The following MSLN variants were observed in gnomAD, a reference collection of about 807,000 sequenced individuals.
The protein encoded by MSLN is CAK1 antigen.
MSLN carries 82 observed loss-of-function variants against 72.6 expected under a neutral mutation model. The observed-to-expected ratio is 1.13, with a 90% CI of 0.94 to 1.36. The LOEUF (loss-of-function observed/expected upper bound fraction) is 1.36, where lower values mean the gene tolerates loss of function less well. MSLN is among the 40% of genes most tolerant of loss of function. The probability of loss-of-function intolerance (pLI) is 0.00; values close to 1 mark genes in which losing one functional copy is unlikely to be tolerated. For synonymous variants in MSLN, 456 were observed against 387.3 expected (o/e 1.18, Z -2.08); for missense variants, 1,005 against 847.9 (o/e 1.19, Z -2.30).
Position 767,508 on chromosome 16 carries a change from C to CGTGTGGAGGAGGGG in MSLN, c.1596+38_1596+39insGTGTGGAGGAGGGG, listed in dbSNP as rs1567359717. On this transcript the variant is annotated intron_variant, in intron 16 of 17. Transcript: ENST00000545450. Reference sequence around the variant, plus strand: ...GGAGGAGGGGCGTGTGGAGGAGGGGCCCGTGGAGGAGGGGCGAGTGGGAGG... The same window carrying CGTGTGGAGGAGGGG: ...GGAGGAGGGGCGTGTGGAGGAGGGGCGTGTGGAGGAGGGGCCGTGGAGGAGGGGCGAGTGGGAGG... 4 of 1,391,176 alleles carry CGTGTGGAGGAGGGG rather than the reference C, an allele frequency of 2.9e-6. No homozygotes were observed. In the Admixed American group the frequency reaches 8.5e-5, roughly 29 times the overall value. 86.2% of individuals were successfully genotyped at this position (1,391,176 alleles called of 1,614,324 possible). A position where few individuals can be genotyped will look rare whatever the true frequency, so the allele number is the denominator to read the frequency against.
chr16:765,779 G>A lies in MSLN; in HGVS notation c.884G>A (p.Arg295Gln), dbSNP rs753029287. The A allele has an allele frequency of 1.4e-5, 23 of 1,598,920 alleles. No homozygotes were observed. The highest frequency in any genetic ancestry group is 2.2e-5 in the East Asian group (1 of 44,870). The change falls in exon 11 of 18, where the codon CGG becomes CAG. Residue 295 changes from arginine (R) to glutamine (Q), a missense_variant. Arg to Gln is a conservative substitution (Grantham distance 43). Transcript: ENST00000545450. ...ERTILRPRFR[R>Q]EVEKTACPSG... ...ACCATCCTCCGGCCGCGGTTCCGGCGGGAAGTGGAGAGTGAGTGCCGTGCC... is the reference window on the plus strand; with the variant it reads ...ACCATCCTCCGGCCGCGGTTCCGGCAGGAAGTGGAGAGTGAGTGCCGTGCC...
chr16:764,985 G>C lies in MSLN; in HGVS notation c.459G>C (p.Pro153=). The C allele has an allele frequency of 6.2e-7, 1 of 1,612,322 alleles. No homozygotes were observed. Among genetic ancestry groups the C allele is most frequent in the Non-Finnish European group, 8.5e-7 (1 of 1,179,716 alleles). ...RITKANVDLL[P]RGAPERQRLL... ...CGAAGGCCAATGTGGACCTGCTCCC[G>C]AGGGGGGCTCCCGAGCGACAGCGGC... Residue 153 remains proline, a synonymous_variant, in exon 8 of 18, where the codon CCG becomes CCC. Coordinates refer to ENST00000545450, the MANE Select transcript of MSLN (RefSeq NM_005823.6).
In MSLN at chr16:763,180, G is replaced by T. The variant is rs1000606789; in HGVS notation, c.86-53G>T. 5 of 1,275,508 alleles carry T rather than the reference G, an allele frequency of 3.9e-6. No individual in the cohort carries two copies. In the Admixed American group the frequency reaches 1.1e-4, roughly 28 times the overall value. The allele number at this position is 1,275,508 out of a possible 1,614,324, so 79.0% of individuals were successfully genotyped here. The stretch of plus-strand genomic sequence containing the variant: ...TGCCTCCTTCCTCCCCTGGGTCAGG[G>T]CACAGCCCAGAGGCCCGCCCCCTCC... On this transcript the variant is annotated intron_variant, in intron 3 of 17. Coordinates refer to ENST00000545450, the MANE Select transcript of MSLN (RefSeq NM_005823.6).
intron 16 of MSLN, among the ~76,000 whole-genome samples, 182 bp from the exon 17 acceptor site, chr16:768,197 G>A (rs2041665706): frequency 6.6e-6 from 1 of 151,662 alleles, no homozygotes; most frequent in Non-Finnish European, 1.5e-5. Flanking sequence ...CTTCCCGTGT[G>A]GTGGGGCCTA....
intron 15 of MSLN, 116 bp downstream of exon 15, chr16:767,128 G>A: frequency 2.0e-6 from 3 of 1,512,892 alleles, no homozygotes; most frequent in Non-Finnish European, 2.7e-6. Context: ...TAACTGGGTG[G>A]TCACCCGCCC....
chr16:767,086 C>G, intron 15 of MSLN, 74 bp downstream of exon 15: 1 of 1,598,644 alleles, frequency 6.3e-7, no homozygotes, highest in South Asian at 1.1e-5. Flanking sequence ...GGGTGCCAGG[C>G]CTTTGCCTCG....
Position 767,009 on chromosome 16 carries a change from C to T in MSLN, c.1498C>T (p.Leu500=). Residue 500 remains leucine (L), a synonymous_variant, in exon 15 of 18, where the codon CTG becomes TTG. Transcript: ENST00000545450. ...SEYFVKIQSF[L]GGAPTEDLKA... ...ATACTTCGTGAAGATCCAGTCCTTC[C>T]TGGGTGAGCCAGGGAGTCCCTGGCC... 1 of 1,611,836 alleles carries T rather than the reference C, an allele frequency of 6.2e-7. No homozygotes were observed. Among genetic ancestry groups the T allele is most frequent in the Non-Finnish European group, 8.5e-7 (1 of 1,179,674 alleles).
chr16:764,756 C>A lies in MSLN; in HGVS notation c.380+30C>A, dbSNP rs188946277. ...GCCCTGCCCCCTGAACCCACCCCCC[C>A]GGCTTTTGCCGCCAGCCCTCAGCCC... On this transcript the variant is annotated intron_variant, in intron 7 of 17. Coordinates refer to ENST00000545450, the MANE Select transcript of MSLN (RefSeq NM_005823.6). 1,222 of 1,577,728 alleles carry A rather than the reference C, an allele frequency of 7.7e-4. 10 individuals are homozygous for A. In the African/African-American group the frequency reaches 0.014, roughly 18 times the overall value.
In MSLN at chr16:768,645, T is replaced by C; in HGVS notation, c.1784-3T>C. On this transcript the variant is annotated splice_polypyrimidine_tract_variant and splice_region_variant and intron_variant, in intron 17 of 17. Coordinates refer to ENST00000545450, the MANE Select transcript of MSLN (RefSeq NM_005823.6). ...GCGCTCTGAGTCACCCCTCTCTCTG[T>C]AGAGGCCCTCTCGGGGACGCCCTGC... is the stretch of plus-strand genomic sequence containing the variant. 1 of 1,611,026 alleles carries C rather than the reference T, an allele frequency of 6.2e-7. No homozygotes were observed. The highest frequency in any genetic ancestry group is 8.5e-7 in the Non-Finnish European group (1 of 1,179,406).
intron 6 of MSLN, 144 bp from the exon 7 acceptor site, chr16:764,503 C>G: frequency 1.2e-6 from 1 of 811,294 alleles, no homozygotes; most frequent in Non-Finnish European, 2.1e-6. Flanking sequence ...CAGGGCAGCG[C>G]TGCAGGCGGC....
rs1230649857 is a variant in MSLN, at chr16:761,081, ACTC to A, written c.-99_-97del. ...CTCATGGGCGCTGCCAGCGCCACGCACTCCTCTTTCTGCCTGGCCGGCCACTCC... is the reference window on the plus strand; with the variant it reads ...CTCATGGGCGCTGCCAGCGCCACGCACTCTTTCTGCCTGGCCGGCCACTCC... On this transcript the variant is annotated 5_prime_UTR_variant, in exon 2 of 18. Transcript: ENST00000545450. 1 of 151,798 alleles carries A rather than the reference ACTC, an allele frequency of 6.6e-6. No homozygotes were observed. The highest frequency in any genetic ancestry group is 2.4e-5 in the African/African-American group (1 of 41,236). The allele number at this position is 151,798 out of a possible 1,614,324, so 9.4% of individuals were successfully genotyped here. A position where few individuals can be genotyped will look rare whatever the true frequency, so the allele number is the denominator to read the frequency against.
Position 766,894 on chromosome 16 carries a change from G to A in MSLN, c.1383G>A (p.Arg461=), listed in dbSNP as rs1401166148. Residue 461 remains arginine, a synonymous_variant, in exon 15 of 18, where the codon AGG becomes AGA. Coordinates refer to ENST00000545450, the MANE Select transcript of MSLN (RefSeq NM_005823.6). ...CCCACCGTGTCCCCAGGGCGGTCAG[G>A]CCCCAGGACCTGGACACGTGTGACC... is the stretch of plus-strand genomic sequence containing the variant. ...SVPPSSIWAV[R]PQDLDTCDPR... 2 of 1,612,522 alleles carry A rather than the reference G, an allele frequency of 1.2e-6. No individual in the cohort carries two copies. The highest frequency in any genetic ancestry group is 2.2e-5 in the East Asian group (1 of 44,876).
At chr16:765,903 A>T in intron 11 of MSLN, 113 bp downstream of exon 11, 1 of 1,328,042 alleles carries the variant, frequency 7.5e-7, no homozygotes, top group South Asian at 1.3e-5. Flanking sequence ...ATCCCATTAT[A>T]ATCACAGAGA....
chr16:766,483 G>C lies in MSLN; in HGVS notation c.1223G>C (p.Ser408Thr), dbSNP rs1300438636. Residue 408 changes from serine (S) to threonine (T), a missense_variant, in exon 13 of 18, where the codon AGT (serine) becomes ACT (threonine). Physicochemically the swap from Ser to Thr is moderately conservative, Grantham distance 58. Coordinates refer to ENST00000545450, the MANE Select transcript of MSLN (RefSeq NM_005823.6). ...LLEVNKGHEM[S>T]PQVATLIDRF... The stretch of plus-strand genomic sequence containing the variant: ...GAAGTCAACAAAGGGCACGAAATGA[G>C]TCCTCAGGTGACCGTCCGGCTCGGG... The C allele has an allele frequency of 3.1e-6, 5 of 1,612,522 alleles. No homozygotes were observed. Among genetic ancestry groups the C allele is most frequent in the Non-Finnish European group, 4.2e-6 (5 of 1,179,906 alleles).
rs2041669723 is a variant in MSLN at position 768,399 on chromosome 16, G to C, written c.1617G>C (p.Val539=). The part of the protein sequence containing the change: ...DAVLPLTVAE[V]QKLLGPHVEG... Reference sequence around the variant, plus strand: ...GGCAGCCGTTGACTGTGGCTGAGGTGCAGAAACTTCTGGGACCCCACGTGG... The same window carrying C: ...GGCAGCCGTTGACTGTGGCTGAGGTCCAGAAACTTCTGGGACCCCACGTGG... The change falls in exon 17 of 18, where the codon GTG becomes GTC. Residue 539 remains valine (V), a synonymous_variant. Coordinates refer to ENST00000545450, the MANE Select transcript of MSLN (RefSeq NM_005823.6). 3 of 1,509,730 alleles carry C rather than the reference G, an allele frequency of 2.0e-6. No individual in the cohort carries two copies. In the East Asian group the frequency reaches 6.9e-5, roughly 34 times the overall value. The allele number at this position is 1,509,730 out of a possible 1,614,324, so 93.5% of individuals were successfully genotyped here.
chr16:763,603 G>C, intron 4 of MSLN, 39 bp from the exon 5 acceptor site: 1 of 1,562,612 alleles, frequency 6.4e-7, no homozygotes, highest in Non-Finnish European at 8.7e-7. Context: ...GCTCCAGAGA[G>C]CTGGTCTGAG....
At position 768,786 on chromosome 16, in the gene MSLN, G is replaced by A. The variant is rs1286631171; in HGVS notation, c.*53G>A. ...CCTGCTGGGGATCCCCGCCTGGCCA[G>A]GAGCAGGCACGGGTGGTCCCCGTTC... is the stretch of plus-strand genomic sequence containing the variant. On this transcript the variant is annotated 3_prime_UTR_variant, in exon 18 of 18. Transcript: ENST00000545450. The A allele has an allele frequency of 1.9e-6, 3 of 1,574,904 alleles. No individual in the cohort carries two copies. The highest frequency in any genetic ancestry group is 2.6e-6 in the Non-Finnish European group (3 of 1,152,406).
At chr16:764,767 G>A (rs372036473) in intron 7 of MSLN, 41 bp downstream of exon 7, 24 of 1,466,736 alleles carry the variant, frequency 1.6e-5, no homozygotes, top group Middle Eastern at 2.2e-4. Context: ...GGCTTTTGCC[G>A]CCAGCCCTCA....
intron 13 of MSLN, 22 bp downstream of exon 13, chr16:766,512 C>T (rs2041611993): frequency 1.2e-6 from 2 of 1,612,108 alleles, no homozygotes; most frequent in Non-Finnish European, 1.7e-6. Flanking sequence ...GCTCGGGGGT[C>T]ATGTGGCATG....
Sources: gnomAD v4.1 joint callset for allele counts (sites outside exome capture counted in the v4.1 genomes callset) on GRCh38, gnomAD v4.1.1 for gene constraint, MANE v1.5 for transcripts, NCBI Gene and HGNC (gene_info 2026-07-23, HGNC 2026-07-21) for gene names.